Variants in CAMTA1 observed in about 807,000 individuals in gnomAD.
The protein encoded by CAMTA1 is calmodulin-binding transcription activator 1.
Under a neutral mutation model 170.9 loss-of-function variants are expected in CAMTA1, and 27 were observed. The observed-to-expected ratio is 0.16, with a 90% CI of 0.12 to 0.22. The LOEUF (loss-of-function observed/expected upper bound fraction) is 0.22. Ranked by LOEUF, CAMTA1 falls within the 10% of genes least tolerant of loss-of-function variation. CAMTA1 has a pLI of 1.00. For synonymous variants in CAMTA1, 833 were observed against 891.5 expected (o/e 0.93, Z 1.17); for missense variants, 1,619 against 2,217.2 (o/e 0.73, Z 5.42).
intron 6 of CAMTA1, among the ~76,000 whole-genome samples, chr1:7,567,026 A>T (rs1454930742): frequency 6.6e-6 from 1 of 152,206 alleles, no homozygotes; most frequent in Non-Finnish European, 1.5e-5. Flanking sequence ...TCTGGGATGG[A>T]GGAGGCTCAG....
intron 3 of CAMTA1, among the ~76,000 whole-genome samples, chr1:7,074,980 G>A (rs1398037953): frequency 6.6e-6 from 1 of 152,210 alleles, no homozygotes; most frequent in Admixed American, 6.5e-5. Context: ...AGTAGAGCTG[G>A]AGACATGCCT....
intron 4 of CAMTA1, among the ~76,000 whole-genome samples, chr1:7,097,482 G>C (rs1001356979): frequency 1.3e-5 from 2 of 152,202 alleles, no homozygotes; most frequent in African/African-American, 4.8e-5. Flanking sequence ...GCCCCAGGCT[G>C]GTCCTGGTGC....
At chr1:6,926,628 CCCT>C (rs1270214115) in intron 3 of CAMTA1, among the ~76,000 whole-genome samples, 2 of 146,280 alleles carry the variant, frequency 1.4e-5, no homozygotes, top group Non-Finnish European at 3.0e-5. Context: ...TTCTCCCCTC[CCCT>C]CCTCTTCTTC....
chr1:7,539,589 G>A (rs1033276059), intron 6 of CAMTA1, among the ~76,000 whole-genome samples: 3 of 152,262 alleles, frequency 2.0e-5, no homozygotes, highest in African/African-American at 7.2e-5. Flanking sequence ...GCATTGCACA[G>A]CACATGCAGC....
chr1:7,030,789 A>G (rs915547682), intron 3 of CAMTA1, among the ~76,000 whole-genome samples: 12 of 151,784 alleles, frequency 7.9e-5, no homozygotes, highest in Admixed American at 5.3e-4. Context: ...ACAAATGTCA[A>G]CTAGGTCAAG....
chr1:7,506,046 G>A (rs1024725845), intron 6 of CAMTA1, among the ~76,000 whole-genome samples: 6 of 152,180 alleles, frequency 3.9e-5, no homozygotes, highest in Non-Finnish European at 7.3e-5. Context: ...ATGACAGAAC[G>A]GCCCAGACCA....
At chr1:6,790,510 G>A (rs914233929) in intron 1 of CAMTA1, among the ~76,000 whole-genome samples, 1 of 151,986 alleles carries the variant, frequency 6.6e-6, no homozygotes, top group African/African-American at 2.4e-5. Flanking sequence ...ATATTTGAAC[G>A]GCAGCATCGC....
intron 3 of CAMTA1, among the ~76,000 whole-genome samples, chr1:6,986,959 A>G (rs576910064): frequency 1.3e-5 from 2 of 152,060 alleles, no homozygotes; most frequent in East Asian, 3.9e-4. Flanking sequence ...TGGGCCCCCA[A>G]TGGCATATGA....
At chr1:7,578,388 C>T (rs956642451) in intron 6 of CAMTA1, among the ~76,000 whole-genome samples, 2 of 152,190 alleles carry the variant, frequency 1.3e-5, no homozygotes, top group African/African-American at 4.8e-5. Context: ...ACGTGTCCCT[C>T]CCCGCCAGGC....
rs528224516 is a variant in CAMTA1 at position 7,737,093 on chromosome 1, C to G, written c.3342+84C>G. 8 of 1,345,056 alleles carry G rather than the reference C, an allele frequency of 5.9e-6. No homozygotes were observed. The South Asian group carries it at 8.3e-5, about 14-fold the overall frequency. The allele number at this position is 1,345,056 out of a possible 1,614,324, so 83.3% of individuals were successfully genotyped here. A position where few individuals can be genotyped will look rare whatever the true frequency, so the allele number is the denominator to read the frequency against. ...GCCTGGTTCCCACCGTTGTCTCTTGCTGACACATGGCATGTTTCGGAGATA... is the reference window on the plus strand; with the variant it reads ...GCCTGGTTCCCACCGTTGTCTCTTGGTGACACATGGCATGTTTCGGAGATA... On this transcript the variant is annotated intron_variant, in intron 14 of 22. Coordinates refer to ENST00000303635, the MANE Select transcript of CAMTA1 (RefSeq NM_015215.4).
At position 7,067,145 on chromosome 1, in the gene CAMTA1, G is replaced by C. The variant is rs1709061071; in HGVS notation, c.235-24159G>C. Among the ~76,000 whole-genome samples, 1 of 152,192 alleles carries C rather than the reference G, an allele frequency of 6.6e-6. No homozygotes were observed. The highest frequency in any genetic ancestry group is 1.5e-5 in the Non-Finnish European group (1 of 68,034). On this transcript the variant is annotated intron_variant, in intron 3 of 22. Transcript: ENST00000303635. This position sits in a 1 kb window ranked among gnomAD's most constrained non-coding sequence, Gnocchi z 4.3. ...CCATAGCACTGTCTCATCAGAAGTT[G>C]GCTGGAGTGTTGGGAATTGGAAGGG...
At chr1:6,806,426 T>C (rs1644516153) in intron 1 of CAMTA1, among the ~76,000 whole-genome samples, 1 of 152,258 alleles carries the variant, frequency 6.6e-6, no homozygotes, top group Admixed American at 6.5e-5. Context: ...GGGGATTATA[T>C]TCAATCTGAG....
At chr1:7,540,837 A>G (rs569346208) in intron 6 of CAMTA1, among the ~76,000 whole-genome samples, 31 of 152,230 alleles carry the variant, frequency 2.0e-4, no homozygotes, top group Non-Finnish European at 4.3e-4. Context: ...AATTGACTCA[A>G]TCATAGAGGC....
At chr1:7,752,870 C>G (rs774991912) in intron 21 of CAMTA1, among the ~76,000 whole-genome samples, 1 of 152,182 alleles carries the variant, frequency 6.6e-6, no homozygotes, top group Non-Finnish European at 1.5e-5. Context: ...GCAGTATGTT[C>G]TTTGCTCTAA....
At chr1:7,386,347 C>T (rs371378854) in intron 5 of CAMTA1, among the ~76,000 whole-genome samples, 1 of 152,170 alleles carries the variant, frequency 6.6e-6, no homozygotes, top group African/African-American at 2.4e-5. Flanking sequence ...AGCTGTACAG[C>T]GAGAGAGAGA....
chr1:6,941,667 G>A (rs1305425591), intron 3 of CAMTA1, among the ~76,000 whole-genome samples: 4 of 152,216 alleles, frequency 2.6e-5, no homozygotes, highest in Admixed American at 2.6e-4. Context: ...TGACAGGCGA[G>A]GAAGCTCTCG....
intron 6 of CAMTA1, among the ~76,000 whole-genome samples, chr1:7,582,157 T>A (rs1004136266): frequency 3.3e-5 from 5 of 152,112 alleles, no homozygotes; most frequent in Non-Finnish European, 5.9e-5. Context: ...CAGGAGGCTG[T>A]CCCCAGCAAC....
At chr1:7,486,565 G>A (rs188853882) in intron 6 of CAMTA1, among the ~76,000 whole-genome samples, 3 of 152,296 alleles carry the variant, frequency 2.0e-5, no homozygotes, top group Admixed American at 1.3e-4. Context: ...CAAGGCTGAC[G>A]GGGGCCTGCT....
At chr1:7,452,004 C>T (rs1319810468) in intron 5 of CAMTA1, among the ~76,000 whole-genome samples, 8 of 152,326 alleles carry the variant, frequency 5.3e-5, no homozygotes, top group Admixed American at 3.9e-4. Context: ...AGCTCCCAGC[C>T]GCAGTGCTGA....
Sources: gnomAD v4.1 joint callset for allele counts (sites outside exome capture counted in the v4.1 genomes callset) on GRCh38, gnomAD v4.1.1 for gene constraint, Gnocchi (gnomAD v3.1) non-coding constraint, MANE v1.5 for transcripts, NCBI Gene and HGNC (gene_info 2026-07-23, HGNC 2026-07-21) for gene names.